The following MAP3K13 variants were observed in gnomAD, a reference collection of about 807,000 sequenced individuals.
MAP3K13 encodes the protein mitogen-activated protein kinase kinase kinase 13.
A neutral mutation model predicts 104.0 loss-of-function variants in MAP3K13; 52 were observed. The ratio of observed to expected loss-of-function variants is 0.50; its 90% CI spans 0.40 to 0.63. The LOEUF (loss-of-function observed/expected upper bound fraction) is 0.63, where lower values mean the gene tolerates loss of function less well. MAP3K13 is among the 20% of genes least tolerant of loss of function. The pLI, the probability that MAP3K13 is intolerant of heterozygous loss-of-function variation, is 0.00. For missense variants in MAP3K13, 914 were observed against 1,218.5 expected (o/e 0.75, Z 3.72); for synonymous variants, 394 against 442.2 (o/e 0.89, Z 1.37).
intron 2 of MAP3K13, among the ~76,000 whole-genome samples, chr3:185,341,124 C>T (rs1560055574): frequency 6.6e-6 from 1 of 152,278 alleles, no homozygotes; most frequent in South Asian, 2.1e-4. Flanking sequence ...CCAAAATTCA[C>T]GTCCACCAGA....
chr3:185,306,009 C>G lies in MAP3K13; in HGVS notation c.-86+20366C>G, dbSNP rs148227571. ...ATGTGTACCCAATGTTTAGCTTCCA[C>G]TTGTAAGTGAGAACATGTAGTATTT... On this transcript the variant is annotated intron_variant, in intron 2 of 14. Transcript: ENST00000424227. Among the ~76,000 whole-genome samples the G allele has an allele frequency of 4.6e-5, 7 of 152,310 alleles. No homozygotes were observed. The East Asian group carries it at 1.4e-3, about 29-fold the overall frequency.
chr3:185,322,466 T>A lies in MAP3K13; in HGVS notation c.-86+36823T>A, dbSNP rs565978093. 3.9e-5 allele frequency among the ~76,000 whole-genome samples: 6 copies of A among 152,368 alleles called. No homozygotes were observed. The South Asian group carries it at 1.2e-3, about 32-fold the overall frequency. ...TGGTTGCCAGGAAATTACACCATCC[T>A]GCTCCTTTTCAAAATCCTCTGTCCA... is the stretch of plus-strand genomic sequence containing the variant. On this transcript the variant is annotated intron_variant, in intron 2 of 14. Transcript: ENST00000424227.
chr3:185,379,436 G>C (rs1043506039), intron 1 of MAP3K13, among the ~76,000 whole-genome samples: 1 of 152,230 alleles, frequency 6.6e-6, no homozygotes, highest in African/African-American at 2.4e-5. Flanking sequence ...GGTTGGAGAA[G>C]AGAGTAAAAA....
chr3:185,425,406 A>T (rs936211779), intron 1 of MAP3K13, among the ~76,000 whole-genome samples: 12 of 151,986 alleles, frequency 7.9e-5, no homozygotes, highest in African/African-American at 2.9e-4. Context: ...CTTTACCCAC[A>T]TCCATGTCTA....
intron 1 of MAP3K13, among the ~76,000 whole-genome samples, chr3:185,408,529 G>A (rs1357924440): frequency 6.6e-6 from 1 of 151,728 alleles, no homozygotes; most frequent in Non-Finnish European, 1.5e-5. Flanking sequence ...CCGAAATCAT[G>A]CCACTGCACT....
intron 3 of MAP3K13, among the ~76,000 whole-genome samples, chr3:185,438,806 A>G (rs1263468018): frequency 6.6e-6 from 1 of 152,212 alleles, no homozygotes; most frequent in Non-Finnish European, 1.5e-5. Flanking sequence ...TTTAGAGGAA[A>G]GAAGGTGAAG....
chr3:185,306,477 C>G (rs1431411444), intron 2 of MAP3K13, among the ~76,000 whole-genome samples: 1 of 152,160 alleles, frequency 6.6e-6, no homozygotes, highest in Non-Finnish European at 1.5e-5. Flanking sequence ...GTCATTCTGA[C>G]TGGTGTGAGA....
intron 2 of MAP3K13, among the ~76,000 whole-genome samples, chr3:185,309,507 T>A (rs1721421368): frequency 2.5e-5 from 2 of 80,294 alleles, no homozygotes; most frequent in Non-Finnish European, 2.7e-5. Context: ...CGAGACCTTG[T>A]CTCACAAAAA....
chr3:185,434,845 A>T (rs1176751509), intron 2 of MAP3K13, among the ~76,000 whole-genome samples: 3 of 152,212 alleles, frequency 2.0e-5, no homozygotes, highest in African/African-American at 7.2e-5. Context: ...TTATTTTATT[A>T]AAAATTAGGG....
chr3:185,417,949 TAGTTAC>T (rs1713882915), intron 1 of MAP3K13: 1 of 1,606,938 alleles, frequency 6.2e-7, no homozygotes, highest in Non-Finnish European at 8.5e-7. Context: ...GGGAAGATTG[TAGTTAC>T]TCTTGAGGGA....
At chr3:185,369,943 T>C (rs1483182648) in intron 1 of MAP3K13, among the ~76,000 whole-genome samples, 1 of 152,214 alleles carries the variant, frequency 6.6e-6, no homozygotes, top group African/African-American at 2.4e-5. Context: ...TATGTAGCAA[T>C]CAGGTCGTCC....
intron 2 of MAP3K13, among the ~76,000 whole-genome samples, chr3:185,436,351 T>C (rs1715028171): frequency 6.6e-6 from 1 of 152,186 alleles, no homozygotes; most frequent in Non-Finnish European, 1.5e-5. Flanking sequence ...ACTACAGCTA[T>C]ATAAGTAAGC....
Position 185,447,943 on chromosome 3 carries a change from A to G in MAP3K13, c.1006A>G (p.Ile336Val). 6.2e-7 allele frequency: 1 copy of G among 1,607,404 alleles called. No individual in the cohort carries two copies. The highest frequency in any genetic ancestry group is 8.5e-7 in the Non-Finnish European group (1 of 1,176,750). The part of the protein sequence containing the change: ...RNEPVSEKVD[I>V]WSFGVVLWEL... ...TGAACCTGTCTCTGAAAAAGTTGAT[A>G]TATGGTGAGTGGCGCCACCAGTTGT... Residue 336 changes from isoleucine to valine, a missense_variant, in exon 5 of 14, where the codon ATA becomes GTA. By Grantham distance (29) the Ile-to-Val change is conservative. Transcript: ENST00000265026.
chr3:185,318,144 G>A (rs550537195), intron 2 of MAP3K13, among the ~76,000 whole-genome samples: 4 of 152,158 alleles, frequency 2.6e-5, no homozygotes, highest in South Asian at 4.1e-4. Flanking sequence ...TTATACCTTT[G>A]TGGTTTATTA....
At position 185,473,174 on chromosome 3, in the gene MAP3K13, T is replaced by A. The variant is rs768078808; in HGVS notation, c.1843T>A (p.Ser615Thr). ...ILKNQPAQENSPHPTYLHQAQ... is the reference protein window; with the variant it reads ...ILKNQPAQENTPHPTYLHQAQ... ...GAAAAACCAGCCAGCCCAGGAAAAT[T>A]CACCCCATCCCACTTACCTGCACCA... Residue 615 changes from serine (S) to threonine (T), a missense_variant, in exon 11 of 14, where the codon TCA (serine) becomes ACA (threonine). Physicochemically the swap from Ser to Thr is moderately conservative, Grantham distance 58 (BLOSUM62 1). Coordinates refer to ENST00000265026, the MANE Select transcript of MAP3K13 (RefSeq NM_004721.5). The surrounding 1 kb of genome is among the most constrained non-coding windows in gnomAD (Gnocchi z 4.9). 3 of 1,614,036 alleles carry A rather than the reference T, an allele frequency of 1.9e-6. No individual in the cohort carries two copies. The South Asian group carries it at 3.3e-5, about 18-fold the overall frequency.
intron 4 of MAP3K13, 117 bp downstream of exon 4, chr3:185,443,753 A>T: frequency 1.2e-6 from 1 of 814,242 alleles, no homozygotes; most frequent in South Asian, 1.7e-5. Flanking sequence ...TTCAATCAGC[A>T]CAGTGGGTAA....
intron 10 of MAP3K13, 100 bp downstream of exon 10, chr3:185,467,063 A>T: frequency 2.2e-6 from 3 of 1,340,934 alleles, no homozygotes; most frequent in Non-Finnish European, 3.2e-6. Flanking sequence ...TCTTTAGCTC[A>T]TCAGATGACT....
In MAP3K13 at chr3:185,339,660, T is replaced by G. The variant is rs187373770; in HGVS notation, c.-86+54017T>G. 1.4e-4 allele frequency among the ~76,000 whole-genome samples: 21 copies of G among 152,346 alleles called. No homozygotes were observed. The South Asian group carries it at 1.4e-3, about 11-fold the overall frequency. On this transcript the variant is annotated intron_variant, in intron 2 of 14. Transcript: ENST00000424227. ...TGTAGTCTCTGTAGCAACTACCTAA[T>G]TCTGCCATTGTAGCACAAATGCAGC...
chr3:185,473,879 T>C lies in MAP3K13; in HGVS notation c.2430+118T>C. On this transcript the variant is annotated intron_variant, in intron 11 of 13. Transcript: ENST00000265026. The surrounding 1 kb of genome is among the most constrained non-coding windows in gnomAD (Gnocchi z 4.9). ...GTATACATTTTGTAAAAGGACAAGA[T>C]AACAGAAACATAAATAGAAATTTAT... The C allele has an allele frequency of 2.7e-6, 3 of 1,118,942 alleles. No individual in the cohort carries two copies. Among genetic ancestry groups the C allele is most frequent in the Non-Finnish European group, 3.8e-6 (3 of 794,838 alleles). The allele number at this position is 1,118,942 out of a possible 1,614,324, so 69.3% of individuals were successfully genotyped here. A position where few individuals can be genotyped will look rare whatever the true frequency, so the allele number is the denominator to read the frequency against.
Sources: allele counts gnomAD v4.1 joint callset (sites outside exome capture counted in the v4.1 genomes callset), GRCh38; gene constraint gnomAD v4.1.1; non-coding constraint Gnocchi (gnomAD v3.1); transcripts MANE v1.5; gene names NCBI Gene and HGNC (gene_info 2026-07-23, HGNC 2026-07-21).